The following ZNF469 variants were observed in gnomAD, a reference collection of about 807,000 sequenced individuals.
ZNF469 encodes the protein zinc finger protein 469.
A neutral mutation model predicts 1.0 loss-of-function variants in ZNF469; 1 was observed. That is an observed-to-expected ratio of 1.00 (90% CI 0.35 to 4.73). ZNF469 has a LOEUF of 4.73. ZNF469 is among the 30% of genes most tolerant of loss of function. The probability of loss-of-function intolerance (pLI) is 0.16; values close to 1 mark genes in which losing one functional copy is unlikely to be tolerated. For missense variants in ZNF469, 6,100 were observed against 5,356.3 expected (o/e 1.14, Z -4.33); for synonymous variants, 2,703 against 2,363.4 (o/e 1.14, Z -4.17).
chr16:88,209,051 A>C, the ZNF469 span, among the ~76,000 whole-genome samples: 317 of 152,284 alleles, frequency 2.1e-3, no homozygotes, highest in Middle Eastern at 6.8e-3. Flanking sequence ...TGCCTGAAGT[A>C]CAGCAAGCTT....
rs281865145 is a variant in ZNF469 at position 88,429,097 on chromosome 16, G to C, written c.1627G>C (p.Gly543Arg). 6.5e-7 allele frequency: 1 copy of C among 1,549,982 alleles called. No individual in the cohort carries two copies. The highest frequency in any genetic ancestry group is 1.7e-4 in the Middle Eastern group (1 of 5,992). Residue 543 changes from glycine to arginine, a missense_variant, in exon 3 of 3, where the codon GGC becomes CGC. Physicochemically the swap from Gly to Arg is moderately radical, Grantham distance 125. Coordinates refer to ENST00000565624, the MANE Select transcript of ZNF469 (RefSeq NM_001367624.2). ...GCCAGCCGTGAGAAGCAGCCAGGGC[G>C]GCTCCCCAGCACTGTTCACCTACAA... is the stretch of plus-strand genomic sequence containing the variant. ...KLPAVRSSQG[G>R]SPALFTYNGM...
the ZNF469 span, among the ~76,000 whole-genome samples, chr16:88,271,189 C>T: frequency 6.8e-3 from 1,027 of 151,376 alleles, 10 homozygotes; most frequent in African/African-American, 0.023. Context: ...GCCTGGCTTC[C>T]CGGAGAGCGT....
At chr16:88,287,263 G>T in the ZNF469 span, among the ~76,000 whole-genome samples, 1 of 152,230 alleles carries the variant, frequency 6.6e-6, no homozygotes, top group Non-Finnish European at 1.5e-5. Flanking sequence ...CAAGTCTCCT[G>T]TCAACGGACA....
rs549394518 is a variant in ZNF469, at chr16:88,389,318, C to T, written c.-192+6064C>T. 2.6e-5 allele frequency among the ~76,000 whole-genome samples: 4 copies of T among 152,384 alleles called. 1 individual carries two copies. The highest frequency in any genetic ancestry group is 9.6e-5 in the African/African-American group (4 of 41,588). On this transcript the variant is annotated intron_variant, in intron 1 of 2. Transcript: ENST00000565624. ...GTCACATCTTTAGGGTCCATCTGTG[C>T]CGTGGCGGGAGTCGGCGCTTCCTTC...
chr16:88,332,770 G>A, the ZNF469 span, among the ~76,000 whole-genome samples: 6 of 152,172 alleles, frequency 3.9e-5, no homozygotes, highest in East Asian at 9.6e-4. Context: ...TGCTCAGGCC[G>A]GCTCTCACAG....
the ZNF469 span, among the ~76,000 whole-genome samples, chr16:88,164,590 T>C: frequency 6.6e-6 from 1 of 152,156 alleles, no homozygotes; most frequent in East Asian, 1.9e-4. Context: ...CTGTTGATAC[T>C]CTGAGTTTTT....
At chr16:88,320,759 C>T in the ZNF469 span, among the ~76,000 whole-genome samples, 6 of 152,198 alleles carry the variant, frequency 3.9e-5, no homozygotes, top group Admixed American at 3.3e-4. Context: ...CAGCCTCCTG[C>T]ACTTATGTCC....
At chr16:88,232,450 G>C in the ZNF469 span, among the ~76,000 whole-genome samples, 2 of 151,874 alleles carry the variant, frequency 1.3e-5, no homozygotes, top group Non-Finnish European at 2.9e-5. Context: ...TGGGACTTTC[G>C]GGGGTGTCCA....
the ZNF469 span, among the ~76,000 whole-genome samples, chr16:88,315,680 G>C: frequency 2.0e-5 from 3 of 152,200 alleles, no homozygotes; most frequent in Non-Finnish European, 4.4e-5. Flanking sequence ...TGTGCAGAAG[G>C]TGGGGGAGGG....
In ZNF469 at chr16:88,436,363, C is replaced by T. The variant is rs2142313159; in HGVS notation, c.8893C>T (p.Pro2965Ser). ...CGGCCTCAGCCTGTGGGCCCTGGAG[C>T]CCAGCAGGGAAGCTGGTGCAGAGAA... ...APGLSLWALE[P>S]SREAGAEKLP... The change falls in exon 3 of 3, where the codon CCC (proline) becomes TCC (serine). Residue 2965 changes from proline to serine, a missense_variant. By Grantham distance (74) the Pro-to-Ser change is moderately conservative. Transcript: ENST00000565624. 6.5e-7 allele frequency: 1 copy of T among 1,550,038 alleles called. No homozygotes were observed. The highest frequency in any genetic ancestry group is 1.2e-5 in the South Asian group (1 of 84,042).
the ZNF469 span, among the ~76,000 whole-genome samples, chr16:88,201,121 G>T: frequency 6.6e-6 from 1 of 152,262 alleles, no homozygotes; most frequent in African/African-American, 2.4e-5. This position sits in a 1 kb window ranked among gnomAD's most constrained non-coding sequence, Gnocchi z 5.0. Flanking sequence ...CTGAGCGACA[G>T]TTTCTCCCCA....
At chr16:88,262,349 G>T in the ZNF469 span, among the ~76,000 whole-genome samples, 2 of 152,222 alleles carry the variant, frequency 1.3e-5, no homozygotes, top group African/African-American at 2.4e-5. The surrounding 1 kb of genome is among the most constrained non-coding windows in gnomAD (Gnocchi z 4.3). Context: ...GAGCCGAGGG[G>T]TGGGGCGTTT....
At chr16:88,197,681 T>C in the ZNF469 span, among the ~76,000 whole-genome samples, 7,066 of 152,322 alleles carry the variant, frequency 0.046, 436 homozygotes, top group African/African-American at 0.14. Flanking sequence ...GGTGTGGGCC[T>C]TGTGGTCCTG....
the ZNF469 span, among the ~76,000 whole-genome samples, chr16:88,358,157 C>A: frequency 6.6e-6 from 1 of 152,200 alleles, no homozygotes; most frequent in Non-Finnish European, 1.5e-5. Context: ...TGCACTGCAG[C>A]GTGGGCGTCA....
At chr16:88,115,648 C>G in the ZNF469 span, among the ~76,000 whole-genome samples, 1 of 149,696 alleles carries the variant, frequency 6.7e-6, no homozygotes, top group Non-Finnish European at 1.5e-5. Context: ...TCAAGAGGCC[C>G]GCCGAGCCGT....
chr16:88,148,937 C>T, the ZNF469 span, among the ~76,000 whole-genome samples: 1 of 152,198 alleles, frequency 6.6e-6, no homozygotes, highest in African/African-American at 2.4e-5. Flanking sequence ...GTGGCAGGTG[C>T]TCTGGCCGTG....
the ZNF469 span, among the ~76,000 whole-genome samples, chr16:88,101,498 C>A: frequency 3.3e-5 from 5 of 151,362 alleles, no homozygotes; most frequent in South Asian, 1.0e-3. Flanking sequence ...ATGCTGTGGA[C>A]AGACTCAATT....
In ZNF469 at chr16:88,404,638, A is replaced by T. The variant is rs116259380; in HGVS notation, c.-191-20169A>T. Among the ~76,000 whole-genome samples, 655 of 152,280 alleles carry T rather than the reference A, an allele frequency of 4.3e-3. 4 individuals are homozygous for T. The highest frequency in any genetic ancestry group is 0.015 in the African/African-American group (615 of 41,552). On this transcript the variant is annotated intron_variant, in intron 1 of 2. Transcript: ENST00000565624. ...GGTGATTGCCCACGGACGTGCTGCT[A>T]TGCAAATGAGTGCATGTGCTGGTGG...
chr16:88,128,529 C>T, the ZNF469 span, among the ~76,000 whole-genome samples: 1 of 152,202 alleles, frequency 6.6e-6, no homozygotes, highest in Non-Finnish European at 1.5e-5. Flanking sequence ...GAGGGTGCTC[C>T]ACCTGGAAGG....
Sources: allele counts gnomAD v4.1 joint callset (sites outside exome capture counted in the v4.1 genomes callset), GRCh38; gene constraint gnomAD v4.1.1; non-coding constraint Gnocchi (gnomAD v3.1); transcripts MANE v1.5; gene names NCBI Gene and HGNC (gene_info 2026-07-23, HGNC 2026-07-21).